Variants in GRIA1 observed in about 807,000 individuals in gnomAD.
GRIA1 encodes glutamate receptor 1.
Under a neutral mutation model 99.2 loss-of-function variants are expected in GRIA1, and 31 were observed. The ratio of observed to expected loss-of-function variants is 0.31; its 90% CI spans 0.23 to 0.42. The LOEUF is 0.42. GRIA1 is among the 10% of genes least tolerant of loss of function. The probability of loss-of-function intolerance (pLI) is 1.00; values close to 1 mark genes in which losing one functional copy is unlikely to be tolerated. For missense variants in GRIA1, 782 were observed against 1,157.5 expected, an observed-to-expected ratio of 0.68 and a Z score of 4.71; for synonymous variants, 438 against 432.4, an observed-to-expected ratio of 1.01 and a Z score of -0.16.
intron 2 of GRIA1, among the ~76,000 whole-genome samples, chr5:153,566,460 T>C (rs1761633889): frequency 6.7e-6 from 1 of 148,170 alleles, no homozygotes; most frequent in South Asian, 2.2e-4. Context: ...GCATCCACCA[T>C]GCCAAGCTAA....
At chr5:153,659,244 A>G (rs1483358902) in intron 5 of GRIA1, among the ~76,000 whole-genome samples, 2 of 152,172 alleles carry the variant, frequency 1.3e-5, no homozygotes, top group African/African-American at 4.8e-5. Context: ...GTACATATTC[A>G]CATATGGTGT....
At chr5:153,750,927 T>C (rs569016823) in intron 11 of GRIA1, among the ~76,000 whole-genome samples, 3 of 151,994 alleles carry the variant, frequency 2.0e-5, no homozygotes, top group Non-Finnish European at 4.4e-5. Context: ...TGAAACCCCG[T>C]CTCTACTAAA....
intron 2 of GRIA1, among the ~76,000 whole-genome samples, chr5:153,636,475 G>A (rs952636304): frequency 6.6e-6 from 1 of 152,132 alleles, no homozygotes; most frequent in Non-Finnish European, 1.5e-5. Context: ...AAACTCATTT[G>A]TTTACATATT....
chr5:153,629,416 C>T (rs1381682732), intron 2 of GRIA1, among the ~76,000 whole-genome samples: 3 of 152,178 alleles, frequency 2.0e-5, no homozygotes, highest in Non-Finnish European at 4.4e-5. Context: ...GAGAAGAAGG[C>T]AGGTGGGAAA....
Position 153,776,706 on chromosome 5 carries a change from G to T in GRIA1, c.2270+6291G>T, listed in dbSNP as rs578225615. On this transcript the variant is annotated intron_variant, in intron 13 of 15. Transcript: ENST00000285900. ...CTGTGCTGGAAAATATCTAGCAAAA[G>T]TTGCTTGTGTATATTGGCATCTGGC... 2.6e-5 allele frequency among the ~76,000 whole-genome samples: 4 copies of T among 152,274 alleles called. No individual in the cohort carries two copies. In the South Asian group the frequency reaches 6.2e-4, roughly 24 times the overall value.
chr5:153,717,230 T>C (rs1759727484), intron 11 of GRIA1, among the ~76,000 whole-genome samples: 1 of 152,096 alleles, frequency 6.6e-6, no homozygotes, highest in Admixed American at 6.6e-5. Context: ...GAATCAGTGC[T>C]AGAGTTCTTC....
At chr5:153,640,710 C>T (rs1753723962) in intron 2 of GRIA1, among the ~76,000 whole-genome samples, 1 of 152,216 alleles carries the variant, frequency 6.6e-6, no homozygotes, top group Non-Finnish European at 1.5e-5. Context: ...ATGTAAAACT[C>T]ACTGAACACT....
intron 11 of GRIA1, among the ~76,000 whole-genome samples, chr5:153,750,798 T>C (rs1342211670): frequency 1.3e-5 from 2 of 152,162 alleles, no homozygotes; most frequent in Non-Finnish European, 2.9e-5. Context: ...TACTCCATTT[T>C]GTAAAGAACT....
chr5:153,664,257 A>T (rs1755585699), intron 5 of GRIA1, among the ~76,000 whole-genome samples: 1 of 152,208 alleles, frequency 6.6e-6, no homozygotes, highest in Non-Finnish European at 1.5e-5. Flanking sequence ...AACATAGTTA[A>T]TCCTCACAAC....
At chr5:153,532,266 A>T (rs1758163768) in intron 2 of GRIA1, among the ~76,000 whole-genome samples, 1 of 152,048 alleles carries the variant, frequency 6.6e-6, no homozygotes, top group African/African-American at 2.4e-5. Context: ...GTCATGTAGT[A>T]CTTTGTTATT....
intron 2 of GRIA1, among the ~76,000 whole-genome samples, chr5:153,532,566 C>T (rs1193266077): frequency 6.6e-6 from 1 of 152,196 alleles, no homozygotes; most frequent in African/African-American, 2.4e-5. Context: ...TTTCCACAAA[C>T]CCCACAGCAG....
chr5:153,810,697 G>A (rs1411621950), intron 15 of GRIA1, among the ~76,000 whole-genome samples: 1 of 152,150 alleles, frequency 6.6e-6, no homozygotes, highest in Non-Finnish European at 1.5e-5. Context: ...TAGTTGTGTT[G>A]CTACATCACA....
At chr5:153,741,111 G>A (rs1177252148) in intron 11 of GRIA1, among the ~76,000 whole-genome samples, 1 of 151,654 alleles carries the variant, frequency 6.6e-6, no homozygotes, top group Non-Finnish European at 1.5e-5. Flanking sequence ...CGAGTAGCTG[G>A]GACTACAGGC....
At chr5:153,790,947 A>G (rs748463305) in intron 13 of GRIA1, among the ~76,000 whole-genome samples, 2 of 152,180 alleles carry the variant, frequency 1.3e-5, no homozygotes, top group South Asian at 2.1e-4. Flanking sequence ...AATCACATTC[A>G]CATCTTTAAC....
chr5:153,565,559 C>A (rs1161438857), intron 2 of GRIA1, among the ~76,000 whole-genome samples: 1 of 152,178 alleles, frequency 6.6e-6, no homozygotes, highest in Non-Finnish European at 1.5e-5. Flanking sequence ...AAACATTTCT[C>A]TCTTGCAAAA....
chr5:153,512,168 C>A (rs1225580041), intron 2 of GRIA1, among the ~76,000 whole-genome samples: 1 of 152,196 alleles, frequency 6.6e-6, no homozygotes, highest in African/African-American at 2.4e-5. Context: ...AAAGTTTGCC[C>A]TGGCCCTGAG....
chr5:153,725,980 A>G (rs1357110508), intron 11 of GRIA1, among the ~76,000 whole-genome samples: 2 of 144,392 alleles, frequency 1.4e-5, no homozygotes, highest in African/African-American at 5.2e-5. Flanking sequence ...AATTGACCAC[A>G]TAGTTGGAAG....
intron 11 of GRIA1, among the ~76,000 whole-genome samples, chr5:153,746,691 CAT>C (rs2149584010): frequency 6.6e-6 from 1 of 152,226 alleles, no homozygotes; most frequent in African/African-American, 2.4e-5. Context: ...GCAGAGAAAC[CAT>C]ATGTTTTGGT....
intron 2 of GRIA1, among the ~76,000 whole-genome samples, chr5:153,506,119 A>C (rs1267806024): frequency 6.6e-6 from 1 of 152,122 alleles, no homozygotes; most frequent in African/African-American, 2.4e-5. Flanking sequence ...ACCACATCAC[A>C]TGTGCAAGTC....
Sources: gnomAD v4.1 joint callset for allele counts (sites outside exome capture counted in the v4.1 genomes callset) on GRCh38, gnomAD v4.1.1 for gene constraint, MANE v1.5 for transcripts, NCBI Gene and HGNC (gene_info 2026-07-23, HGNC 2026-07-21) for gene names.